CDK9: variants seen among roughly 807,000 people sequenced by gnomAD.
CDK9 encodes the protein cyclin dependent kinase 9.
Under a neutral mutation model 39.0 loss-of-function variants are expected in CDK9, and 34 were observed. The ratio of observed to expected loss-of-function variants is 0.87; its 90% CI spans 0.66 to 1.16. The LOEUF (loss-of-function observed/expected upper bound fraction) is 1.16. Among genes scored for constraint, CDK9 ranks in the 50% most tolerant of loss-of-function variants. CDK9 has a pLI of 0.00. For synonymous variants in CDK9, 233 were observed against 196.2 expected, an observed-to-expected ratio of 1.19 and a Z score of -1.57; for missense variants, 369 against 503.2, an observed-to-expected ratio of 0.73 and a Z score of 2.55.
chr9:127,788,366 GC>G lies in CDK9; in HGVS notation c.590del (p.Pro197ArgfsTer79). On this transcript the variant is annotated frameshift_variant, in exon 5 of 7. Transcript: ENST00000373264. LOFTEE classifies it high-confidence loss of function. ...TNRVVTLWYR[P>X]PELLLGERDY... is the part of the protein sequence containing the mutation. ...ACCGTGTGGTGACACTCTGGTACCG[GC>G]CCCCGGAGCTGTTGCTCGGTGAGGA... The G allele has an allele frequency of 6.2e-7, 1 of 1,612,394 alleles. No individual in the cohort carries two copies. Among genetic ancestry groups the G allele is most frequent in the South Asian group, 1.1e-5 (1 of 91,030 alleles).
rs1226070602 is a variant in CDK9 at position 127,789,201 on chromosome 9, T to C, written c.777T>C (p.Tyr259=). ...AGGTGTGGCCAAACGTGGACAACTA[T>C]GAGCTGTACGAAAAGCTGGAGCTGG... ...TPEVWPNVDN[Y]ELYEKLELVK... The change falls in exon 7 of 7, where the codon TAT becomes TAC. Residue 259 remains tyrosine (Y), a synonymous_variant. Transcript: ENST00000373264. This position sits in a 1 kb window ranked among gnomAD's most constrained non-coding sequence, Gnocchi z 5.2. 7 of 1,599,304 alleles carry C rather than the reference T, an allele frequency of 4.4e-6. No homozygotes were observed. Among genetic ancestry groups the C allele is most frequent in the East Asian group, 2.2e-5 (1 of 44,600 alleles).
chr9:127,786,617 G>C (rs1272329102), intron 1 of CDK9, 84 bp from the exon 2 acceptor site: 1 of 1,224,706 alleles, frequency 8.2e-7, no homozygotes, highest in African/African-American at 1.5e-5. Context: ...TCTCTTTGCT[G>C]CTGCCCCTCC....
Position 127,787,846 on chromosome 9 carries a change from A to G in CDK9, c.266-101A>G, listed in dbSNP as rs569838695. The G allele has an allele frequency of 1.0e-4, 130 of 1,258,226 alleles. 1 individual carries two copies. The highest frequency in any genetic ancestry group is 9.4e-4 in the South Asian group (75 of 79,604). 77.9% of individuals were successfully genotyped at this position (1,258,226 alleles called of 1,614,324 possible). A position where few individuals can be genotyped will look rare whatever the true frequency, so the allele number is the denominator to read the frequency against. ...GGAACAGACAGATGCTCTGGAGGGC[A>G]TGGGTGCCCGTGGGTTGGAGCAGGA... On this transcript the variant is annotated intron_variant, in intron 3 of 6. Coordinates refer to ENST00000373264, the MANE Select transcript of CDK9 (RefSeq NM_001261.4).
chr9:127,787,891 G>A, intron 3 of CDK9, 56 bp from the exon 4 acceptor site: 3 of 1,580,746 alleles, frequency 1.9e-6, no homozygotes, highest in Non-Finnish European at 2.6e-6. Flanking sequence ...CTGGTTGTGG[G>A]AAAGTGTGTT....
In CDK9 at chr9:127,787,781, C is replaced by T. The variant is rs3217741; in HGVS notation, c.266-166C>T. On this transcript the variant is annotated intron_variant, in intron 3 of 6. Coordinates refer to ENST00000373264, the MANE Select transcript of CDK9 (RefSeq NM_001261.4). Reference sequence around the variant, plus strand: ...GTGCTTCCTCGGGGCCTGCCCTGGCCCAGAAGAGGCACTCAGAAAATATTT... The same window carrying T: ...GTGCTTCCTCGGGGCCTGCCCTGGCTCAGAAGAGGCACTCAGAAAATATTT... Among the ~76,000 whole-genome samples, 3 of 152,048 alleles carry T rather than the reference C, an allele frequency of 2.0e-5. No individual in the cohort carries two copies. In the South Asian group the frequency reaches 6.2e-4, roughly 32 times the overall value.
rs777924310 is a variant in CDK9 at position 127,789,505 on chromosome 9, G to A, written c.1081G>A (p.Ala361Thr). The change falls in exon 7 of 7, where the codon GCC becomes ACC. Residue 361 changes from alanine (A) to threonine (T), a missense_variant. Ala to Thr is a moderately conservative substitution (Grantham distance 58). Coordinates refer to ENST00000373264, the MANE Select transcript of CDK9 (RefSeq NM_001261.4). This position sits in a 1 kb window ranked among gnomAD's most constrained non-coding sequence, Gnocchi z 5.2. Reference protein sequence around the residue: ...QQSTNQSRNPATTNQTEFERV... With the variant: ...QQSTNQSRNPTTTNQTEFERV... ...GTCCACCAACCAGAGTCGCAATCCC[G>A]CCACCACCAACCAGACGGAGTTTGA... is the stretch of plus-strand genomic sequence containing the variant. 3.7e-6 allele frequency: 6 copies of A among 1,614,100 alleles called. No homozygotes were observed. Among genetic ancestry groups the A allele is most frequent in the South Asian group, 2.2e-5 (2 of 91,086 alleles).
chr9:127,786,391 C>T (rs1829319205), intron 1 of CDK9, 151 bp downstream of exon 1: 2 of 747,626 alleles, frequency 2.7e-6, no homozygotes, highest in East Asian at 2.8e-5. Context: ...CCGCCCCGGC[C>T]TGACGGAGCC....
chr9:127,787,651 A>G (rs1771450123), intron 3 of CDK9, 43 bp downstream of exon 3: 2 of 1,446,832 alleles, frequency 1.4e-6, no homozygotes, highest in Non-Finnish European at 1.9e-6. Flanking sequence ...CTTGTAGCCT[A>G]AGGTTTTGTT....
chr9:127,789,226 G>T lies in CDK9; in HGVS notation c.802G>T (p.Val268Phe). The change falls in exon 7 of 7, where the codon GTC becomes TTC. Residue 268 changes from valine (V) to phenylalanine (F), a missense_variant. Physicochemically the swap from Val to Phe is conservative, Grantham distance 50. Transcript: ENST00000373264. The surrounding 1 kb of genome is among the most constrained non-coding windows in gnomAD (Gnocchi z 5.2). ...TGAGCTGTACGAAAAGCTGGAGCTG[G>T]TCAAGGGCCAGAAGCGGAAGGTGAA... ...NYELYEKLEL[V>F]KGQKRKVKDR... 1 of 1,609,828 alleles carries T rather than the reference G, an allele frequency of 6.2e-7. No individual in the cohort carries two copies. The highest frequency in any genetic ancestry group is 8.5e-7 in the Non-Finnish European group (1 of 1,176,944).
At chr9:127,788,844 A>C in intron 6 of CDK9, 152 bp downstream of exon 6, 1 of 800,048 alleles carries the variant, frequency 1.2e-6, no homozygotes, top group East Asian at 2.8e-5. Context: ...GGGAGAAAAA[A>C]ACACCTGACA....
At position 127,789,093 on chromosome 9, in the gene CDK9, T is replaced by A; in HGVS notation, c.754-85T>A. The A allele has an allele frequency of 6.8e-7, 1 of 1,477,084 alleles. No individual in the cohort carries two copies. The highest frequency in any genetic ancestry group is 2.3e-5 in the East Asian group (1 of 43,402). 91.5% of individuals were successfully genotyped at this position (1,477,084 alleles called of 1,614,324 possible). A position where few individuals can be genotyped will look rare whatever the true frequency, so the allele number is the denominator to read the frequency against. On this transcript the variant is annotated intron_variant, in intron 6 of 6. Transcript: ENST00000373264. The surrounding 1 kb of genome is among the most constrained non-coding windows in gnomAD (Gnocchi z 5.2). ...GGAGCCTCCGAGTGGAGCAGGTATT[T>A]TAGTCCTTTTAGGCCTTTATGAAGG...
At position 127,787,502 on chromosome 9, in the gene CDK9, CCT is replaced by C. The variant is rs763559669; in HGVS notation, c.175-13_175-12del. On this transcript the variant is annotated splice_polypyrimidine_tract_variant and intron_variant, in intron 2 of 6. Coordinates refer to ENST00000373264, the MANE Select transcript of CDK9 (RefSeq NM_001261.4). The stretch of plus-strand genomic sequence containing the variant: ...CTGCGCTCACTCTTGACCACTTTCC[CCT>C]CTTTCTCACCCAGTTCCCCATTACA... 2 of 1,594,796 alleles carry C rather than the reference CCT, an allele frequency of 1.3e-6. No individual in the cohort carries two copies. Among genetic ancestry groups the C allele is most frequent in the Admixed American group, 3.3e-5 (2 of 59,984 alleles).
chr9:127,786,308 G>C, intron 1 of CDK9, 68 bp downstream of exon 1: 6 of 1,294,632 alleles, frequency 4.6e-6, no homozygotes, highest in Middle Eastern at 1.9e-4. Context: ...CGGGATGCCC[G>C]GGCCCCCCCC....
chr9:127,787,229 C>T (rs1345625577), intron 2 of CDK9, among the ~76,000 whole-genome samples: 2 of 152,220 alleles, frequency 1.3e-5, no homozygotes, highest in South Asian at 4.1e-4. Flanking sequence ...ATTTTTAAAT[C>T]ATCATGTTTG....
Position 127,790,232 on chromosome 9 carries a change from T to C in CDK9, c.*689T>C, listed in dbSNP as rs911663370. ...GTCTTGACTTTTTTATCTCAGTTCA[T>C]GTTCTCTTCCATAATTGGAAAGGAC... On this transcript the variant is annotated 3_prime_UTR_variant, in exon 7 of 7. Coordinates refer to ENST00000373264, the MANE Select transcript of CDK9 (RefSeq NM_001261.4). 3 of 152,218 alleles carry C rather than the reference T, an allele frequency of 2.0e-5. No homozygotes were observed. Among genetic ancestry groups the C allele is most frequent in the South Asian group, 4.1e-4 (2 of 4,828 alleles). The allele number at this position is 152,218 out of a possible 1,614,324, so 9.4% of individuals were successfully genotyped here.
At chr9:127,786,889 T>G in intron 2 of CDK9, 107 bp downstream of exon 2, 1 of 856,404 alleles carries the variant, frequency 1.2e-6, no homozygotes, top group African/African-American at 1.7e-5. Flanking sequence ...TTAATTTTTT[T>G]GTAGTAGTTC....
At position 127,786,034 on chromosome 9, in the gene CDK9, G is replaced by T; in HGVS notation, c.-115G>T. The T allele has an allele frequency of 1.9e-6, 1 of 525,286 alleles. No individual in the cohort carries two copies. The highest frequency in any genetic ancestry group is 3.0e-6 in the Non-Finnish European group (1 of 336,732). 32.5% of individuals were successfully genotyped at this position (525,286 alleles called of 1,614,324 possible). Reference sequence around the variant, plus strand: ...CGGCGCCGCGAGGCCGGAAGTGGCCGTGGAGGCGGAAGTGGCGCGGCCGCG... The same window carrying T: ...CGGCGCCGCGAGGCCGGAAGTGGCCTTGGAGGCGGAAGTGGCGCGGCCGCG... On this transcript the variant is annotated 5_prime_UTR_variant, in exon 1 of 7. Coordinates refer to ENST00000373264, the MANE Select transcript of CDK9 (RefSeq NM_001261.4).
In CDK9 at chr9:127,788,691, AGGTACGGGGCCCC is replaced by A; in HGVS notation, c.753+3_753+15del. 1 of 1,596,436 alleles carries A rather than the reference AGGTACGGGGCCCC, an allele frequency of 6.3e-7. No homozygotes were observed. Among genetic ancestry groups the A allele is most frequent in the Non-Finnish European group, 8.5e-7 (1 of 1,171,046 alleles). On this transcript the variant is annotated splice_donor_variant and splice_donor_5th_base_variant and coding_sequence_variant and intron_variant, in exon 6 of 7. Transcript: ENST00000373264. LOFTEE classifies it high-confidence loss of function. ...CAGCTCTGCGGCTCCATCACCCCTG[AGGTACGGGGCCCC>A]GGTCCCCACGGGGTGCAGAGATCGA...
intron 1 of CDK9, 81 bp from the exon 2 acceptor site, chr9:127,786,620 G>T: frequency 8.0e-7 from 1 of 1,252,484 alleles, no homozygotes; most frequent in Non-Finnish European, 1.1e-6. Context: ...CTTTGCTGCT[G>T]CCCCTCCTCC....
Sources: allele counts gnomAD v4.1 joint callset (sites outside exome capture counted in the v4.1 genomes callset), GRCh38; gene constraint gnomAD v4.1.1; non-coding constraint Gnocchi (gnomAD v3.1); transcripts MANE v1.5; gene names NCBI Gene and HGNC (gene_info 2026-07-23, HGNC 2026-07-21).